Variants in DNAJB6 observed in about 807,000 individuals in gnomAD.
The protein encoded by DNAJB6 is dnaJ homolog subfamily B member 6.
Under a neutral mutation model 42.7 loss-of-function variants are expected in DNAJB6, and 16 were observed. That is an observed-to-expected ratio of 0.37 (90% CI 0.25 to 0.57). The LOEUF is 0.57. Ranked by LOEUF, DNAJB6 falls within the 20% of genes least tolerant of loss-of-function variation. The probability of loss-of-function intolerance (pLI) is 0.74; values close to 1 mark genes in which losing one functional copy is unlikely to be tolerated. For missense variants in DNAJB6, 347 were observed against 416.8 expected (o/e 0.83, Z 1.46); for synonymous variants, 170 against 163.5 (o/e 1.04, Z -0.30).
At chr7:157,361,860 C>G (rs947711892) in intron 2 of DNAJB6, among the ~76,000 whole-genome samples, 2 of 152,178 alleles carry the variant, frequency 1.3e-5, no homozygotes, top group African/African-American at 4.8e-5. Flanking sequence ...CCTCTTTCTC[C>G]TGGGTTCAAG....
intron 3 of DNAJB6, among the ~76,000 whole-genome samples, chr7:157,365,700 C>T (rs773632874): frequency 2.4e-4 from 37 of 151,906 alleles, no homozygotes; most frequent in Admixed American, 2.0e-4. Context: ...GAGTTTTGCT[C>T]GTTGCCCAGG....
intron 6 of DNAJB6, 25 bp downstream of exon 6, chr7:157,382,402 CTG>C (rs760731414): frequency 6.4e-7 from 1 of 1,572,066 alleles, no homozygotes; most frequent in Non-Finnish European, 8.6e-7. Flanking sequence ...GGTTTAATCT[CTG>C]TTATCTTAAC....
At chr7:157,363,629 C>T (rs771378648) in intron 3 of DNAJB6, among the ~76,000 whole-genome samples, 4 of 152,164 alleles carry the variant, frequency 2.6e-5, no homozygotes, top group Admixed American at 6.5e-5. Context: ...TGACCTTGCT[C>T]ACCCCCACTG....
intron 5 of DNAJB6, among the ~76,000 whole-genome samples, chr7:157,371,397 T>TGAAGG (rs1365863931): frequency 2.2e-4 from 34 of 152,110 alleles, no homozygotes; most frequent in African/African-American, 7.2e-4. Context: ...TGGGGAAGGG[T>TGAAGG]GAAGGGGTGC....
intron 8 of DNAJB6, among the ~76,000 whole-genome samples, chr7:157,399,205 A>G (rs1178003576): frequency 6.6e-6 from 1 of 152,128 alleles, no homozygotes; most frequent in Non-Finnish European, 1.5e-5. Context: ...AGGCTGCTTG[A>G]CTGGAAGGTT....
rs142129616 is a variant in DNAJB6, at chr7:157,341,815, C to T, written c.-27+4671C>T. On this transcript the variant is annotated intron_variant, in intron 1 of 9. Coordinates refer to ENST00000262177, the MANE Select transcript of DNAJB6 (RefSeq NM_058246.4). ...GTGATTAATAATGGAATCCAGAATT[C>T]AAGAAAGTTGGAAAAAATAAGTTTC... 6.2e-3 allele frequency among the ~76,000 whole-genome samples: 949 copies of T among 152,278 alleles called. 10 individuals carry two copies. Among genetic ancestry groups the T allele is most frequent in the African/African-American group, 0.021 (879 of 41,550 alleles).
intron 8 of DNAJB6, among the ~76,000 whole-genome samples, chr7:157,391,726 G>T (rs932460933): frequency 6.6e-5 from 10 of 152,236 alleles, no homozygotes; most frequent in African/African-American, 2.4e-4. Flanking sequence ...TATTTGTGTA[G>T]AGTCTTATGT....
intron 1 of DNAJB6, chr7:157,337,790 C>G (rs1584865239): frequency 6.6e-6 from 1 of 152,256 alleles, no homozygotes; most frequent in South Asian, 2.1e-4. Context: ...AAGAAGTTTA[C>G]ATTAACTCTT....
intron 5 of DNAJB6, among the ~76,000 whole-genome samples, chr7:157,369,813 ATCATTATTAAACAGGCCTTTCATAACG>A (rs1800057924): frequency 2.0e-5 from 3 of 147,656 alleles, no homozygotes; most frequent in African/African-American, 7.8e-5. Flanking sequence ...CCTTCTTAAC[ATCATTATTAAACAGGCCTTTCATAACG>A]TTATTATTAA....
chr7:157,374,115 G>A (rs1800353625), intron 5 of DNAJB6, among the ~76,000 whole-genome samples: 6 of 151,554 alleles, frequency 4.0e-5, no homozygotes, highest in Admixed American at 3.9e-4. Context: ...ATTTCACATG[G>A]TCGTGAAGCA....
intron 5 of DNAJB6, chr7:157,369,461 T>G (rs1315662623): frequency 2.2e-6 from 1 of 456,268 alleles, no homozygotes; most frequent in Admixed American, 2.4e-5. Flanking sequence ...TGGCTTCTCT[T>G]CTGGGGCACA....
intron 8 of DNAJB6, among the ~76,000 whole-genome samples, chr7:157,397,620 C>T (rs577770443): frequency 1.3e-4 from 20 of 152,380 alleles, no homozygotes; most frequent in Admixed American, 2.0e-4. Flanking sequence ...CCATCCCTCT[C>T]CCAGCTGGGC....
intron 1 of DNAJB6, among the ~76,000 whole-genome samples, chr7:157,353,028 A>T (rs955309228): frequency 6.6e-6 from 1 of 152,166 alleles, no homozygotes; most frequent in Non-Finnish European, 1.5e-5. Flanking sequence ...AATTCAGTCA[A>T]TTCACTTTGA....
At chr7:157,338,014 A>T (rs960424973) in intron 1 of DNAJB6, among the ~76,000 whole-genome samples, 1 of 152,196 alleles carries the variant, frequency 6.6e-6, no homozygotes. Context: ...CGGAGGCTTC[A>T]GCCTGTTTGG....
intron 1 of DNAJB6, among the ~76,000 whole-genome samples, chr7:157,342,117 C>T (rs531526979): frequency 9.5e-4 from 144 of 152,094 alleles, no homozygotes; most frequent in African/African-American, 3.3e-3. Context: ...TTTGGCCTCC[C>T]AAAGTGCTGG....
Position 157,409,821 on chromosome 7 carries a change from G to A in DNAJB6, c.718G>A (p.Glu240Lys). The change falls in exon 9 of 10, where the codon GAG becomes AAG. Residue 240 changes from glutamate to lysine, a missense_variant. Physicochemically the swap from Glu to Lys is moderately conservative, Grantham distance 56. This residue lies in a region of DNAJB6 where 264 missense variants were observed against 288.0 expected (regional missense o/e 0.92). Transcript: ENST00000262177. ...TGTGGCCGACGACGATGCCCTCGCT[G>A]AGGAGCGCATGCGGAGAGGCCAGAA... ...NGVADDDALA[E>K]ERMRRGQNAL... 6.5e-7 allele frequency: 1 copy of A among 1,532,350 alleles called. No homozygotes were observed. The highest frequency in any genetic ancestry group is 2.5e-5 in the East Asian group (1 of 40,760). 94.9% of individuals were successfully genotyped at this position (1,532,350 alleles called of 1,614,324 possible).
chr7:157,409,805 CG>C lies in DNAJB6; in HGVS notation c.703del (p.Asp235ThrfsTer35), dbSNP rs898443318. On this transcript the variant is annotated frameshift_variant, in exon 9 of 10. Transcript: ENST00000262177. LOFTEE classifies it high-confidence loss of function. ...KSLTINGVAD[D>X]DALAEERMRR... ...CCGCTGTGCCTGCAGGTGTGGCCGA[CG>C]ACGATGCCCTCGCTGAGGAGCGCAT... 1 of 1,527,746 alleles carries C rather than the reference CG, an allele frequency of 6.5e-7. No individual in the cohort carries two copies. Among genetic ancestry groups the C allele is most frequent in the Non-Finnish European group, 8.8e-7 (1 of 1,141,176 alleles). 94.6% of individuals were successfully genotyped at this position (1,527,746 alleles called of 1,614,324 possible). A position where few individuals can be genotyped will look rare whatever the true frequency, so the allele number is the denominator to read the frequency against.
At chr7:157,388,638 T>TGGG (rs35379241) in intron 8 of DNAJB6, among the ~76,000 whole-genome samples, 21 of 143,610 alleles carry the variant, frequency 1.5e-4, no homozygotes, top group African/African-American at 3.3e-4. Flanking sequence ...CAATAGCTTT[T>TGGG]GGGGGGGGGG....
chr7:157,413,275 G>A (rs1304551511), intron 9 of DNAJB6: 2 of 152,186 alleles, frequency 1.3e-5, no homozygotes, highest in Non-Finnish European at 2.9e-5. Flanking sequence ...AAAAGGAAAA[G>A]TAAAATTACT....
Sources: allele counts gnomAD v4.1 joint callset (sites outside exome capture counted in the v4.1 genomes callset), GRCh38; gene constraint gnomAD v4.1.1; regional missense constraint gnomAD v4.1.1; transcripts MANE v1.5; gene names NCBI Gene and HGNC (gene_info 2026-07-23, HGNC 2026-07-21).